ABCC3: variants seen among roughly 807,000 people sequenced by gnomAD.
ABCC3 encodes ATP-binding cassette sub-family C member 3.
ABCC3 carries 121 observed loss-of-function variants against 165.3 expected under a neutral mutation model. The observed-to-expected ratio is 0.73, with a 90% CI of 0.63 to 0.85. The LOEUF (loss-of-function observed/expected upper bound fraction) is 0.85. ABCC3 is among the 40% of genes least tolerant of loss of function. The probability of loss-of-function intolerance (pLI) is 0.00; values close to 1 mark genes in which losing one functional copy is unlikely to be tolerated. For synonymous variants in ABCC3, 733 were observed against 810.1 expected (o/e 0.90, Z 1.62); for missense variants, 1,869 against 1,964.1 (o/e 0.95, Z 0.92).
chr17:50,679,916 G>C lies in ABCC3; in HGVS notation c.3807+17G>C. Reference sequence around the variant, plus strand: ...GAGACAGAGGTGGGTACTGGCATGAGCCCGGGACAGGGGGAATCTGAAGTA... The same window carrying C: ...GAGACAGAGGTGGGTACTGGCATGACCCCGGGACAGGGGGAATCTGAAGTA... On this transcript the variant is annotated intron_variant, in intron 26 of 30. Transcript: ENST00000285238. 1.9e-6 allele frequency: 3 copies of C among 1,601,706 alleles called. No individual in the cohort carries two copies. In the South Asian group the frequency reaches 3.3e-5, roughly 18 times the overall value.
At chr17:50,675,573 C>T (rs1597857897) in intron 20 of ABCC3, 58 bp from the exon 21 acceptor site, 4 of 1,560,222 alleles carry the variant, frequency 2.6e-6, no homozygotes, top group Non-Finnish European at 3.5e-6. Context: ...CACTCCCAGC[C>T]TCTGTCCTGG....
chr17:50,670,346 G>A (rs1967622074), intron 17 of ABCC3, among the ~76,000 whole-genome samples: 2 of 152,282 alleles, frequency 1.3e-5, no homozygotes, highest in South Asian at 4.1e-4. Flanking sequence ...GCCTCTCAAA[G>A]TGCTGGGATT....
chr17:50,652,906 G>C (rs1332330957), intron 1 of ABCC3, among the ~76,000 whole-genome samples: 1 of 152,196 alleles, frequency 6.6e-6, no homozygotes, highest in African/African-American at 2.4e-5. Flanking sequence ...TGGAATCTGA[G>C]ATAGAACTCA....
At chr17:50,650,090 A>G (rs558467670) in intron 1 of ABCC3, among the ~76,000 whole-genome samples, 2 of 152,304 alleles carry the variant, frequency 1.3e-5, no homozygotes, top group East Asian at 3.9e-4. Context: ...TAATGGAGAG[A>G]ACCAAATTCT....
intron 1 of ABCC3, among the ~76,000 whole-genome samples, chr17:50,642,818 GGGC>G (rs1966917342): frequency 6.6e-6 from 1 of 152,198 alleles, no homozygotes; most frequent in African/African-American, 2.4e-5. Flanking sequence ...CCCCACGCCT[GGGC>G]TCCTGTCCTC....
intron 1 of ABCC3, among the ~76,000 whole-genome samples, chr17:50,650,280 T>C (rs1967090102): frequency 6.6e-6 from 1 of 152,196 alleles, no homozygotes; most frequent in Non-Finnish European, 1.5e-5. Flanking sequence ...TTATTTTTTG[T>C]ATTTTTAGTA....
At chr17:50,685,772 G>A (rs1036283229) in intron 29 of ABCC3, among the ~76,000 whole-genome samples, 2 of 151,980 alleles carry the variant, frequency 1.3e-5, no homozygotes, top group South Asian at 4.2e-4. Flanking sequence ...AAAGCGCTTC[G>A]CTTGGATGCT....
chr17:50,661,439 G>C (rs867300875), intron 8 of ABCC3, among the ~76,000 whole-genome samples: 1 of 152,244 alleles, frequency 6.6e-6, no homozygotes, highest in African/African-American at 2.4e-5. Context: ...AACTCAGAGA[G>C]GTGAAGTGAC....
At chr17:50,674,986 G>A (rs1421246819) in intron 19 of ABCC3, among the ~76,000 whole-genome samples, 1 of 151,914 alleles carries the variant, frequency 6.6e-6, no homozygotes, top group Non-Finnish European at 1.5e-5. Flanking sequence ...TTTTAGTAGA[G>A]ACGGGGTTTC....
At chr17:50,677,147 G>A (rs1967837736) in intron 23 of ABCC3, among the ~76,000 whole-genome samples, 1 of 152,224 alleles carries the variant, frequency 6.6e-6, no homozygotes, top group African/African-American at 2.4e-5. Context: ...CTCCCAAAGT[G>A]CTGGGATTAC....
rs574392393 is a variant in ABCC3 at position 50,687,455 on chromosome 17, G to A, written c.4281-81G>A. ...CAGAAAACCAGTCCTGGGCCACTGA[G>A]GAGTGAAACAGGTCTGGGAATGAGG... is the stretch of plus-strand genomic sequence containing the variant. On this transcript the variant is annotated intron_variant, in intron 29 of 30. Coordinates refer to ENST00000285238, the MANE Select transcript of ABCC3 (RefSeq NM_003786.4). 4.3e-5 allele frequency: 60 copies of A among 1,394,958 alleles called. No homozygotes were observed. The African/African-American group carries it at 6.5e-4, about 15-fold the overall frequency. The allele number at this position is 1,394,958 out of a possible 1,614,324, so 86.4% of individuals were successfully genotyped here.
At chr17:50,688,918 TGGTG>T (rs1968071121) in intron 30 of ABCC3, among the ~76,000 whole-genome samples, 12 of 138,958 alleles carry the variant, frequency 8.6e-5, no homozygotes, top group South Asian at 2.3e-4. Flanking sequence ...AAAAAAAAAA[TGGTG>T]GCCAACGCGG....
intron 4 of ABCC3, 88 bp from the exon 5 acceptor site, chr17:50,657,994 G>A: frequency 6.3e-7 from 1 of 1,588,272 alleles, no homozygotes; most frequent in African/African-American, 1.3e-5. Flanking sequence ...CCCCAGAGGA[G>A]ACTGATGCCC....
chr17:50,690,971 C>A, intron 30 of ABCC3, 121 bp from the exon 31 acceptor site: 1 of 680,882 alleles, frequency 1.5e-6, no homozygotes, highest in Non-Finnish European at 2.6e-6. Flanking sequence ...GGTGCGGTGG[C>A]TGTGTTGGGT....
At chr17:50,658,340 T>C in intron 5 of ABCC3, 95 bp from the exon 6 acceptor site, 3 of 1,581,982 alleles carry the variant, frequency 1.9e-6, no homozygotes, top group Non-Finnish European at 2.6e-6. Context: ...AACTGGGGCT[T>C]GGAGCAGGAA....
At chr17:50,691,036 G>A (rs1184144481) in intron 30 of ABCC3, 56 bp from the exon 31 acceptor site, 4 of 1,397,102 alleles carry the variant, frequency 2.9e-6, no homozygotes, top group African/African-American at 2.8e-5. Context: ...AGGATTAGAC[G>A]ATGTGACCAG....
chr17:50,666,951 G>A (rs970990344), intron 11 of ABCC3, among the ~76,000 whole-genome samples: 1 of 152,242 alleles, frequency 6.6e-6, no homozygotes, highest in African/African-American at 2.4e-5. Flanking sequence ...CAGGTGTGGT[G>A]GCTCACACCT....
At chr17:50,656,915 G>C in intron 3 of ABCC3, 88 bp downstream of exon 3, 1 of 1,551,668 alleles carries the variant, frequency 6.4e-7, no homozygotes, top group Non-Finnish European at 8.7e-7. Flanking sequence ...CTGAGGAGAG[G>C]GCTGGACATA....
chr17:50,656,554 A>G, intron 2 of ABCC3, 148 bp from the exon 3 acceptor site: 1 of 1,074,624 alleles, frequency 9.3e-7, no homozygotes, highest in South Asian at 1.7e-5. Flanking sequence ...ACCTCCAGCA[A>G]GCTTCTGGTC....
Sources: allele counts gnomAD v4.1 joint callset (sites outside exome capture counted in the v4.1 genomes callset), GRCh38; gene constraint gnomAD v4.1.1; transcripts MANE v1.5; gene names NCBI Gene and HGNC (gene_info 2026-07-23, HGNC 2026-07-21).